The following GDPD1 variants were observed in gnomAD, a reference collection of about 807,000 sequenced individuals.
GDPD1 encodes lysophospholipase D GDPD1.
In GDPD1, 28 loss-of-function variants were observed where a neutral mutation model predicts 45.1. That is an observed-to-expected ratio of 0.62 (90% CI 0.46 to 0.85). GDPD1 has a LOEUF of 0.85. GDPD1 is among the 40% of genes least tolerant of loss of function. The pLI, the probability that GDPD1 is intolerant of heterozygous loss-of-function variation, is 0.00. For synonymous variants in GDPD1, 139 were observed against 131.4 expected (o/e 1.06, Z -0.40); for missense variants, 256 against 364.8 (o/e 0.70, Z 2.43).
chr17:59,240,154 G>A (rs1159023846), intron 2 of GDPD1, among the ~76,000 whole-genome samples: 2 of 152,116 alleles, frequency 1.3e-5, no homozygotes, highest in East Asian at 3.9e-4. Context: ...TAGTTGGCGT[G>A]GTGATGCGCG....
At chr17:59,223,132 G>A (rs890111164) in intron 1 of GDPD1, among the ~76,000 whole-genome samples, 1 of 151,994 alleles carries the variant, frequency 6.6e-6, no homozygotes, top group Admixed American at 6.6e-5. Flanking sequence ...TCAAATTTTC[G>A]TTTACTGTTG....
At chr17:59,221,329 A>G (rs1401970900) in intron 1 of GDPD1, among the ~76,000 whole-genome samples, 1 of 151,932 alleles carries the variant, frequency 6.6e-6, no homozygotes, top group Non-Finnish European at 1.5e-5. Flanking sequence ...CCCCCGAGCC[A>G]GGGACATTTC....
intron 1 of GDPD1, among the ~76,000 whole-genome samples, chr17:59,233,524 A>AAG (rs573211897): frequency 0.056 from 8,464 of 151,048 alleles, 501 homozygotes; most frequent in African/African-American, 0.13. Context: ...AAAAAAAAAA[A>AAG]AAAAAGAAAG....
rs2047463710 is a variant in GDPD1 at position 59,274,199 on chromosome 17, G to A, written c.*426G>A. ...CAGTGTTCTATCATAAGTAATTCTG[G>A]AATCAAAGACTATTGGATACATTTG... is the stretch of plus-strand genomic sequence containing the variant. On this transcript the variant is annotated 3_prime_UTR_variant, in exon 10 of 10. Coordinates refer to ENST00000284116, the MANE Select transcript of GDPD1 (RefSeq NM_182569.4). 1 of 975,858 alleles carries A rather than the reference G, an allele frequency of 1.0e-6. No individual in the cohort carries two copies. The highest frequency in any genetic ancestry group is 1.2e-6 in the Non-Finnish European group (1 of 822,090). 60.4% of individuals were successfully genotyped at this position (975,858 alleles called of 1,614,324 possible).
chr17:59,250,377 T>C (rs2047243537), intron 4 of GDPD1, among the ~76,000 whole-genome samples: 1 of 151,910 alleles, frequency 6.6e-6, no homozygotes, highest in African/African-American at 2.4e-5. Flanking sequence ...TCTCAGCACT[T>C]TGAGAGGCCA....
At chr17:59,243,161 C>T (rs2047186900) in intron 2 of GDPD1, among the ~76,000 whole-genome samples, 1 of 151,914 alleles carries the variant, frequency 6.6e-6, no homozygotes, top group Non-Finnish European at 1.5e-5. Flanking sequence ...TGCACTTCAG[C>T]CTGGGTGACA....
intron 4 of GDPD1, among the ~76,000 whole-genome samples, chr17:59,253,422 T>C (rs951810950): frequency 6.6e-6 from 1 of 152,156 alleles, no homozygotes. Flanking sequence ...CAGATTGGTC[T>C]TGAATTCCTG....
At position 59,274,877 on chromosome 17, in the gene GDPD1, T is replaced by C. The variant is rs2047470692; in HGVS notation, c.*1104T>C. On this transcript the variant is annotated 3_prime_UTR_variant, in exon 10 of 10. Coordinates refer to ENST00000284116, the MANE Select transcript of GDPD1 (RefSeq NM_182569.4). Reference sequence around the variant, plus strand: ...TTTTTTTTGACATGTAGTCTTGCTCTGTCGCCGAGGCCGGAGTGCAGTGGT... The same window carrying C: ...TTTTTTTTGACATGTAGTCTTGCTCCGTCGCCGAGGCCGGAGTGCAGTGGT... 6.6e-6 allele frequency among the ~76,000 whole-genome samples: 1 copy of C among 150,634 alleles called. No individual in the cohort carries two copies. The highest frequency in any genetic ancestry group is 2.1e-4 in the South Asian group (1 of 4,708).
chr17:59,237,595 T>A (rs55799455), intron 2 of GDPD1, among the ~76,000 whole-genome samples: 3,411 of 152,208 alleles, frequency 0.022, 73 homozygotes, highest in Non-Finnish European at 0.038. Flanking sequence ...ATCTTATTTA[T>A]GTACATATTT....
chr17:59,252,754 C>T (rs555000263), intron 4 of GDPD1, among the ~76,000 whole-genome samples: 3 of 150,238 alleles, frequency 2.0e-5, no homozygotes, highest in African/African-American at 7.3e-5. Context: ...AATCCTTACA[C>T]TTTGGGAGGT....
In GDPD1 at chr17:59,227,524, A is replaced by C. The variant is rs1181115347; in HGVS notation, c.142+6773A>C. 3.9e-5 allele frequency among the ~76,000 whole-genome samples: 6 copies of C among 152,290 alleles called. No individual in the cohort carries two copies. In the East Asian group the frequency reaches 1.2e-3, roughly 29 times the overall value. ...ATATTTTATAATTCAATATGTTCAC[A>C]TCAAAATCTGTGTCCTTTTTTAAAA... is the stretch of plus-strand genomic sequence containing the variant. On this transcript the variant is annotated intron_variant, in intron 1 of 9. Transcript: ENST00000284116.
At chr17:59,268,303 G>T (rs914835119) in intron 7 of GDPD1, among the ~76,000 whole-genome samples, 1 of 151,996 alleles carries the variant, frequency 6.6e-6, no homozygotes, top group Admixed American at 6.6e-5. Flanking sequence ...ATGGCCGGGC[G>T]CGGTGGCTCA....
Position 59,267,124 on chromosome 17 carries a change from G to A in GDPD1, c.660G>A (p.Val220=). 6.2e-7 allele frequency: 1 copy of A among 1,613,826 alleles called. No homozygotes were observed. The highest frequency in any genetic ancestry group is 8.5e-7 in the Non-Finnish European group (1 of 1,179,838). ...TCTTCACTGGCCTCTTGCCCTTTGT[G>A]CCCATTCGAGAACAGTTTTTTGAAA... The part of the protein sequence containing the change: ...GLFFTGLLPF[V]PIREQFFEIP... The change falls in exon 7 of 10, where the codon GTG becomes GTA. Residue 220 remains valine (V), a synonymous_variant. Transcript: ENST00000284116.
intron 2 of GDPD1, among the ~76,000 whole-genome samples, chr17:59,240,581 G>C (rs1048692424): frequency 2.6e-5 from 4 of 151,934 alleles, no homozygotes; most frequent in Non-Finnish European, 5.9e-5. Context: ...CGATCCTCCT[G>C]CCTCAGCATC....
rs957350270 is a variant in GDPD1 at position 59,245,547 on chromosome 17, T to C, written c.319T>C (p.Cys107Arg). 4 of 1,600,866 alleles carry C rather than the reference T, an allele frequency of 2.5e-6. No individual in the cohort carries two copies. Among genetic ancestry groups the C allele is most frequent in the South Asian group, 1.1e-5 (1 of 88,108 alleles). ...TGTAAACATCTCTGATCTCAAATAC[T>C]GTGTAAGTAAAAATGCATGATAAAC... ...VNVNISDLKY[C>R]ELPPYLGKLD... Residue 107 changes from cysteine (C) to arginine (R), a missense_variant and splice_region_variant, in exon 3 of 10, where the codon TGT (cysteine) becomes CGT (arginine). Cys to Arg is a radical substitution (Grantham distance 180, BLOSUM62 -3). Coordinates refer to ENST00000284116, the MANE Select transcript of GDPD1 (RefSeq NM_182569.4).
chr17:59,222,689 AT>A (rs1373041863), intron 1 of GDPD1, among the ~76,000 whole-genome samples: 1 of 150,862 alleles, frequency 6.6e-6, no homozygotes, highest in African/African-American at 2.4e-5. Flanking sequence ...TAATTTTTGT[AT>A]TTTTAGTGGA....
chr17:59,268,578 C>CAA (rs1176390251), intron 7 of GDPD1, among the ~76,000 whole-genome samples: 2,985 of 35,092 alleles, frequency 0.085, 681 homozygotes, highest in African/African-American at 0.21. Context: ...GACTCTGTCT[C>CAA]AAAAAAAAAA....
Position 59,220,761 on chromosome 17 carries a change from G to T in GDPD1, c.142+10G>T. The T allele has an allele frequency of 6.2e-7, 1 of 1,611,792 alleles. No individual in the cohort carries two copies. The highest frequency in any genetic ancestry group is 8.5e-7 in the Non-Finnish European group (1 of 1,179,592). ...ATCTCTCACCGCGGAGGTGAGAGGG[G>T]TCCCCAGAACCCGATGACGGAGGTG... is the stretch of plus-strand genomic sequence containing the variant. On this transcript the variant is annotated intron_variant, in intron 1 of 9. Transcript: ENST00000284116.
At chr17:59,255,616 G>A (rs927001540) in intron 4 of GDPD1, among the ~76,000 whole-genome samples, 22 of 146,350 alleles carry the variant, frequency 1.5e-4, no homozygotes, top group Non-Finnish European at 1.8e-4. Flanking sequence ...GGTGCCGGGC[G>A]CCTGTAATCC....
Sources: gnomAD v4.1 joint callset for allele counts (sites outside exome capture counted in the v4.1 genomes callset) on GRCh38, gnomAD v4.1.1 for gene constraint, MANE v1.5 for transcripts, NCBI Gene and HGNC (gene_info 2026-07-23, HGNC 2026-07-21) for gene names.